CNTNAP2: variants seen among roughly 807,000 people sequenced by gnomAD.
CNTNAP2 encodes contactin associated protein 2.
A neutral mutation model predicts 155.2 loss-of-function variants in CNTNAP2; 98 were observed. The observed-to-expected ratio is 0.63, with a 90% CI of 0.54 to 0.75. The LOEUF is 0.75. Among genes scored for constraint, CNTNAP2 ranks in the 30% least tolerant of loss-of-function variants. The pLI, the probability that CNTNAP2 is intolerant of heterozygous loss-of-function variation, is 0.00. For missense variants in CNTNAP2, 1,727 were observed against 1,688.1 expected, an observed-to-expected ratio of 1.02 and a Z score of -0.40; for synonymous variants, 651 against 631.2, an observed-to-expected ratio of 1.03 and a Z score of -0.47.
intron 1 of CNTNAP2, among the ~76,000 whole-genome samples, chr7:146,327,696 G>A (rs969395073): frequency 6.6e-6 from 1 of 152,086 alleles, no homozygotes; most frequent in Non-Finnish European, 1.5e-5. Flanking sequence ...GTAATAAAAA[G>A]GGATAAATTA....
chr7:148,414,720 T>C (rs1281305316), intron 23 of CNTNAP2: 1 of 152,564 alleles, frequency 6.6e-6, no homozygotes, highest in East Asian at 1.9e-4. Context: ...GCTAGAGTAG[T>C]CTTTATTCTA....
intron 1 of CNTNAP2, among the ~76,000 whole-genome samples, chr7:146,263,830 A>G (rs941609550): frequency 1.3e-5 from 2 of 152,226 alleles, no homozygotes; most frequent in Non-Finnish European, 2.9e-5. Flanking sequence ...CACCCATTTA[A>G]GGGACAGGGA....
chr7:147,388,015 C>A (rs1485683250), intron 9 of CNTNAP2, among the ~76,000 whole-genome samples: 1 of 152,106 alleles, frequency 6.6e-6, no homozygotes, highest in Non-Finnish European at 1.5e-5. Context: ...GAGGAGCTTT[C>A]TATTTTCCCT....
intron 22 of CNTNAP2, among the ~76,000 whole-genome samples, chr7:148,400,097 C>G (rs978892877): frequency 1.3e-5 from 2 of 152,164 alleles, no homozygotes; most frequent in East Asian, 3.9e-4. Context: ...TCAGAGTGCT[C>G]TCCCCCAAAG....
At chr7:146,933,541 G>T (rs1441651341) in intron 3 of CNTNAP2, among the ~76,000 whole-genome samples, 3 of 150,538 alleles carry the variant, frequency 2.0e-5, no homozygotes, top group Non-Finnish European at 4.4e-5. Flanking sequence ...AGGACTTCAT[G>T]TCTAAAACAC....
At chr7:147,337,579 A>C (rs1324012151) in intron 9 of CNTNAP2, among the ~76,000 whole-genome samples, 2 of 151,794 alleles carry the variant, frequency 1.3e-5, no homozygotes, top group South Asian at 2.1e-4. Context: ...ATATCTTAAA[A>C]CCCCTTTTAG....
At chr7:146,801,987 T>C (rs1802886962) in intron 2 of CNTNAP2, among the ~76,000 whole-genome samples, 1 of 152,174 alleles carries the variant, frequency 6.6e-6, no homozygotes, top group South Asian at 2.1e-4. Context: ...AGAAACATGA[T>C]GGAAAACACA....
intron 17 of CNTNAP2, among the ~76,000 whole-genome samples, chr7:148,162,194 G>A (rs1465153682): frequency 6.6e-6 from 1 of 152,210 alleles, no homozygotes; most frequent in Non-Finnish European, 1.5e-5. Context: ...AAGATCAGCA[G>A]AAAGAGGATG....
intron 1 of CNTNAP2, among the ~76,000 whole-genome samples, chr7:146,268,522 T>C (rs899909470): frequency 3.3e-5 from 5 of 152,172 alleles, no homozygotes; most frequent in African/African-American, 1.2e-4. Context: ...CCCCTCTGGC[T>C]GAATAACCAT....
chr7:148,367,466 C>CT (rs113636145), intron 21 of CNTNAP2, among the ~76,000 whole-genome samples: 4 of 151,502 alleles, frequency 2.6e-5, no homozygotes, highest in Admixed American at 2.0e-4. Flanking sequence ...TAAAATATTA[C>CT]TTTTGATTTT....
At chr7:146,431,884 A>G (rs1480892474) in intron 1 of CNTNAP2, among the ~76,000 whole-genome samples, 1 of 152,110 alleles carries the variant, frequency 6.6e-6, no homozygotes, top group Non-Finnish European at 1.5e-5. Context: ...TTTTTTAAAA[A>G]TAGCTTTCGT....
Position 146,376,600 on chromosome 7 carries a change from A to C in CNTNAP2, c.97+259627A>C, listed in dbSNP as rs73453109. ...TGCATGTATTGTTATTGTTTTTTCC[A>C]GTTTATATTTTAATCAAGAAATAAT... On this transcript the variant is annotated intron_variant, in intron 1 of 23. Coordinates refer to ENST00000361727, the MANE Select transcript of CNTNAP2 (RefSeq NM_014141.6). Among the ~76,000 whole-genome samples the C allele has an allele frequency of 3.7e-3, 568 of 151,802 alleles. 6 individuals are homozygous for C. Among genetic ancestry groups the C allele is most frequent in the African/African-American group, 0.013 (548 of 41,390 alleles).
At chr7:146,585,786 GGGGA>G (rs1408893692) in intron 1 of CNTNAP2, among the ~76,000 whole-genome samples, 1 of 151,482 alleles carries the variant, frequency 6.6e-6, no homozygotes, top group Non-Finnish European at 1.5e-5. Flanking sequence ...AGGGAAAGAA[GGGGA>G]GGGAAGGAAG....
At chr7:147,699,321 A>G (rs903270042) in intron 13 of CNTNAP2, among the ~76,000 whole-genome samples, 60 of 152,092 alleles carry the variant, frequency 3.9e-4, no homozygotes, top group Middle Eastern at 6.8e-3. Context: ...GAAGCTGGAA[A>G]CCATCATTCT....
At chr7:146,997,636 T>A (rs1443080474) in intron 3 of CNTNAP2, among the ~76,000 whole-genome samples, 2 of 152,134 alleles carry the variant, frequency 1.3e-5, no homozygotes, top group Admixed American at 6.6e-5. Flanking sequence ...TGATATTAGT[T>A]CTTTAAATGT....
chr7:146,794,996 A>G (rs1802743462), intron 2 of CNTNAP2, among the ~76,000 whole-genome samples: 1 of 152,232 alleles, frequency 6.6e-6, no homozygotes. Context: ...CTATAGACAG[A>G]GTAGTCAGAG....
At chr7:146,504,177 C>T (rs1089453) in intron 1 of CNTNAP2, among the ~76,000 whole-genome samples, 1 of 152,198 alleles carries the variant, frequency 6.6e-6, no homozygotes, top group East Asian at 1.9e-4. Flanking sequence ...TAAGGGAGTT[C>T]TCCTAGCAGG....
intron 3 of CNTNAP2, among the ~76,000 whole-genome samples, chr7:147,015,331 T>TATCAAA (rs1798701267): frequency 6.6e-6 from 1 of 152,134 alleles, no homozygotes; most frequent in Admixed American, 6.6e-5. Flanking sequence ...TCTTAGCACC[T>TATCAAA]GTCTGACATT....
chr7:147,592,432 T>A (rs528541452), intron 12 of CNTNAP2, among the ~76,000 whole-genome samples: 1 of 150,872 alleles, frequency 6.6e-6, no homozygotes, highest in South Asian at 2.1e-4. Flanking sequence ...AATACACCAA[T>A]AATTACTAAA....
Sources: allele counts gnomAD v4.1 joint callset (sites outside exome capture counted in the v4.1 genomes callset), GRCh38; gene constraint gnomAD v4.1.1; transcripts MANE v1.5; gene names NCBI Gene and HGNC (gene_info 2026-07-23, HGNC 2026-07-21).